Variants in CCDC88A observed in about 807,000 individuals in gnomAD.
The protein encoded by CCDC88A is coiled-coil and HOOK domain protein 88A, also known as girdin.
CCDC88A carries 54 observed loss-of-function variants against 234.3 expected under a neutral mutation model. The ratio of observed to expected loss-of-function variants is 0.23; its 90% CI spans 0.19 to 0.29. CCDC88A has a LOEUF of 0.29. CCDC88A is among the 10% of genes least tolerant of loss of function. CCDC88A has a pLI of 1.00. For missense variants in CCDC88A, 1,832 were observed against 2,123.4 expected (o/e 0.86, Z 2.70); for synonymous variants, 753 against 737.8 (o/e 1.02, Z -0.33).
intron 25 of CCDC88A, among the ~76,000 whole-genome samples, chr2:55,304,128 G>C (rs567485061): frequency 6.7e-6 from 1 of 150,230 alleles, no homozygotes; most frequent in African/African-American, 2.5e-5. Context: ...GGGCAACAGA[G>C]CGAGAACCCA....
intron 15 of CCDC88A, among the ~76,000 whole-genome samples, chr2:55,333,834 AG>A (rs1245723188): frequency 2.6e-5 from 4 of 152,064 alleles, no homozygotes; most frequent in Non-Finnish European, 2.9e-5. Flanking sequence ...ATTGAAATAA[AG>A]GTTTAAAATT....
intron 5 of CCDC88A, among the ~76,000 whole-genome samples, chr2:55,366,112 AAG>A (rs1224641480): frequency 6.6e-6 from 1 of 152,222 alleles, no homozygotes; most frequent in Non-Finnish European, 1.5e-5. Flanking sequence ...AATTAAAATT[AAG>A]CTCTCTTATC....
At chr2:55,308,083 G>A (rs1681860821) in intron 25 of CCDC88A, 1 of 150,040 alleles carries the variant, frequency 6.7e-6, no homozygotes, top group Admixed American at 6.8e-5. Flanking sequence ...TTACAGGCAT[G>A]AGCCACCACG....
intron 7 of CCDC88A, among the ~76,000 whole-genome samples, chr2:55,359,164 A>C (rs1290542200): frequency 2.0e-5 from 3 of 152,142 alleles, no homozygotes; most frequent in Non-Finnish European, 4.4e-5. Flanking sequence ...CCTCCTTTGT[A>C]TCTCTCAATC....
chr2:55,394,366 A>C (rs952809957), intron 2 of CCDC88A: 1 of 152,106 alleles, frequency 6.6e-6, no homozygotes, highest in African/African-American at 2.4e-5. Flanking sequence ...AGTCTTTGCT[A>C]TTGTGAATAG....
At chr2:55,294,991 G>A in intron 31 of CCDC88A, 1 of 1,198,098 alleles carries the variant, frequency 8.3e-7, no homozygotes, top group South Asian at 1.7e-5. Context: ...TTTGTTAACA[G>A]CAACTTTTCA....
chr2:55,333,411 A>G (rs1685153546), intron 15 of CCDC88A, among the ~76,000 whole-genome samples: 1 of 152,218 alleles, frequency 6.6e-6, no homozygotes, highest in African/African-American at 2.4e-5. Flanking sequence ...TTCTTGATAC[A>G]TAGATTCAAG....
chr2:55,316,217 A>G (rs958616299), intron 21 of CCDC88A, 103 bp from the exon 22 acceptor site: 2 of 449,712 alleles, frequency 4.4e-6, no homozygotes, highest in African/African-American at 4.1e-5. Flanking sequence ...CATACTTAGA[A>G]TAAAAGACTG....
At chr2:55,381,595 A>C in intron 3 of CCDC88A, among the ~76,000 whole-genome samples, 1 of 151,404 alleles carries the variant, frequency 6.6e-6, no homozygotes, top group Non-Finnish European at 1.5e-5. Context: ...TATACAGACT[A>C]TACATTACAA....
chr2:55,367,124 A>G (rs1415643572), intron 5 of CCDC88A, among the ~76,000 whole-genome samples: 1 of 152,212 alleles, frequency 6.6e-6, no homozygotes, highest in Non-Finnish European at 1.5e-5. Context: ...CCTTAAAGAC[A>G]TTACGCTAAG....
intron 3 of CCDC88A, among the ~76,000 whole-genome samples, chr2:55,376,087 G>C (rs1673623745): frequency 6.6e-6 from 1 of 152,038 alleles, no homozygotes; most frequent in African/African-American, 2.4e-5. Flanking sequence ...CTTCAATTTA[G>C]TTAATACATC....
chr2:55,418,064 A>G (rs911147979), intron 2 of CCDC88A: 4 of 152,160 alleles, frequency 2.6e-5, no homozygotes, highest in Non-Finnish European at 5.9e-5. Flanking sequence ...TCCAGCTACC[A>G]ATATACTTTC....
intron 8 of CCDC88A, chr2:55,350,298 T>C (rs1669706928): frequency 6.6e-6 from 1 of 152,222 alleles, no homozygotes; most frequent in Non-Finnish European, 1.5e-5. Context: ...ACATTTACAA[T>C]GGCTGAAAGG....
At chr2:55,398,261 C>T (rs1421591428) in intron 2 of CCDC88A, among the ~76,000 whole-genome samples, 1 of 152,178 alleles carries the variant, frequency 6.6e-6, no homozygotes, top group East Asian at 1.9e-4. Flanking sequence ...TACCTAAGCA[C>T]CCCAAACCTC....
intron 2 of CCDC88A, among the ~76,000 whole-genome samples, chr2:55,395,030 G>A (rs555230430): frequency 6.6e-6 from 1 of 152,172 alleles, no homozygotes; most frequent in South Asian, 2.1e-4. Flanking sequence ...ATTTTTAGGA[G>A]AGATGGGTTT....
chr2:55,376,496 G>C (rs546755699), intron 3 of CCDC88A, among the ~76,000 whole-genome samples: 12 of 152,020 alleles, frequency 7.9e-5, no homozygotes, highest in Non-Finnish European at 1.5e-4. Flanking sequence ...TCAGTGGGTG[G>C]CATGACACCA....
chr2:55,393,049 C>A (rs1375675363), intron 2 of CCDC88A, among the ~76,000 whole-genome samples: 1 of 151,716 alleles, frequency 6.6e-6, no homozygotes, highest in African/African-American at 2.4e-5. Flanking sequence ...TAAAGTTCTA[C>A]GAAAAACCTT....
chr2:55,365,247 T>C (rs1671798152), intron 5 of CCDC88A, among the ~76,000 whole-genome samples: 1 of 152,092 alleles, frequency 6.6e-6, no homozygotes, highest in Admixed American at 6.6e-5. Context: ...ACTCAAGAAT[T>C]TTTTTCTAGC....
At chr2:55,399,476 G>A (rs1427154716) in intron 2 of CCDC88A, among the ~76,000 whole-genome samples, 5 of 148,336 alleles carry the variant, frequency 3.4e-5, no homozygotes, top group Non-Finnish European at 5.9e-5. Context: ...GCAGTGAGCC[G>A]AGATTGCGCC....
Sources: allele counts gnomAD v4.1 joint callset (sites outside exome capture counted in the v4.1 genomes callset), GRCh38; gene constraint gnomAD v4.1.1; transcripts MANE v1.5; gene names NCBI Gene and HGNC (gene_info 2026-07-23, HGNC 2026-07-21).